Variants in DENND1A observed in about 807,000 individuals in gnomAD.
The protein encoded by DENND1A is DENN domain containing 1A.
DENND1A carries 51 observed loss-of-function variants against 113.7 expected under a neutral mutation model. The ratio of observed to expected loss-of-function variants is 0.45; its 90% CI spans 0.36 to 0.57. DENND1A has a LOEUF of 0.57. Ranked by LOEUF, DENND1A falls within the 20% of genes least tolerant of loss-of-function variation. The probability of loss-of-function intolerance (pLI) is 0.00; values close to 1 mark genes in which losing one functional copy is unlikely to be tolerated. For synonymous variants in DENND1A, 565 were observed against 570.8 expected, an observed-to-expected ratio of 0.99 and a Z score of 0.14; for missense variants, 1,258 against 1,395.9, an observed-to-expected ratio of 0.90 and a Z score of 1.57.
chr9:123,421,344 G>T (rs1409481983), intron 19 of DENND1A, among the ~76,000 whole-genome samples: 1 of 151,914 alleles, frequency 6.6e-6, no homozygotes, highest in Non-Finnish European at 1.5e-5. Context: ...GCTAACGGGT[G>T]GCAGAGCCAG....
chr9:123,557,829 G>T, intron 12 of DENND1A, 134 bp from the exon 13 acceptor site: 1 of 1,062,218 alleles, frequency 9.4e-7, no homozygotes, highest in Non-Finnish European at 1.3e-6. Flanking sequence ...TTACTGGGAG[G>T]ACAAAAACGT....
chr9:123,402,302 T>C, intron 21 of DENND1A, among the ~76,000 whole-genome samples: 1 of 152,108 alleles, frequency 6.6e-6, no homozygotes, highest in East Asian at 1.9e-4. Context: ...CTGGGCAAAG[T>C]CTGAGGGCTG....
At chr9:123,803,652 ATCC>A (rs1370154005) in intron 2 of DENND1A, among the ~76,000 whole-genome samples, 1 of 151,966 alleles carries the variant, frequency 6.6e-6, no homozygotes, top group African/African-American at 2.4e-5. Context: ...AGCTCCACCA[ATCC>A]TCCTGTTTTA....
chr9:123,544,221 C>T (rs1039638748), intron 13 of DENND1A, among the ~76,000 whole-genome samples: 2 of 152,276 alleles, frequency 1.3e-5, no homozygotes, highest in Non-Finnish European at 2.9e-5. Context: ...GGAGGAAGGG[C>T]TACACTTCCC....
intron 11 of DENND1A, among the ~76,000 whole-genome samples, chr9:123,601,656 T>C (rs1448601369): frequency 6.6e-6 from 1 of 152,270 alleles, no homozygotes; most frequent in Non-Finnish European, 1.5e-5. Flanking sequence ...TTGCCTCTTA[T>C]TTTTATACTA....
At chr9:123,840,623 C>G (rs1413531911) in intron 2 of DENND1A, among the ~76,000 whole-genome samples, 1 of 152,158 alleles carries the variant, frequency 6.6e-6, no homozygotes, top group African/African-American at 2.4e-5. Flanking sequence ...ACTCTGTCCC[C>G]AAGGGCCTAG....
intron 13 of DENND1A, among the ~76,000 whole-genome samples, chr9:123,537,878 A>T (rs1288018603): frequency 6.6e-6 from 1 of 152,200 alleles, no homozygotes; most frequent in Non-Finnish European, 1.5e-5. Flanking sequence ...CGGACAGAAT[A>T]TTGTTCCCAG....
At chr9:123,401,152 A>C (rs7025196) in intron 21 of DENND1A, 3,962 of 153,278 alleles carry the variant, frequency 0.026, 183 homozygotes, top group African/African-American at 0.091. Context: ...ATGCCGACAG[A>C]TTGGTGGAGC....
At chr9:123,715,922 C>A (rs1488416145) in intron 5 of DENND1A, among the ~76,000 whole-genome samples, 1 of 152,082 alleles carries the variant, frequency 6.6e-6, no homozygotes, top group South Asian at 2.1e-4. Flanking sequence ...GCGATCCCCC[C>A]ACCTCAGCCT....
intron 4 of DENND1A, among the ~76,000 whole-genome samples, chr9:123,758,726 A>T (rs1225002019): frequency 1.3e-5 from 2 of 152,254 alleles, no homozygotes; most frequent in Non-Finnish European, 2.9e-5. Context: ...TTTAAAAACC[A>T]CACATAAACG....
intron 12 of DENND1A, among the ~76,000 whole-genome samples, chr9:123,572,346 C>T (rs2136374399): frequency 6.6e-6 from 1 of 152,178 alleles, no homozygotes; most frequent in Middle Eastern, 3.4e-3. Flanking sequence ...TTATATTAAC[C>T]AGTTGGGGGA....
chr9:123,882,066 T>C (rs987048118), intron 1 of DENND1A, among the ~76,000 whole-genome samples: 3 of 152,114 alleles, frequency 2.0e-5, no homozygotes, highest in Admixed American at 2.0e-4. Context: ...TCTCCTACTG[T>C]CCCTGTCTCC....
intron 9 of DENND1A, among the ~76,000 whole-genome samples, chr9:123,638,389 A>C (rs2061831741): frequency 6.6e-6 from 1 of 151,882 alleles, no homozygotes; most frequent in Non-Finnish European, 1.5e-5. Flanking sequence ...ATGTGCCACC[A>C]CTCCTCCAAG....
chr9:123,466,812 ATC>A (rs577300346), intron 13 of DENND1A, among the ~76,000 whole-genome samples: 198 of 152,018 alleles, frequency 1.3e-3, no homozygotes, highest in African/African-American at 4.6e-3. Flanking sequence ...AGTGGGGAGG[ATC>A]TCTTGAGCCC....
At chr9:123,641,425 TAATGA>T (rs1234538977) in intron 9 of DENND1A, among the ~76,000 whole-genome samples, 1 of 136,184 alleles carries the variant, frequency 7.3e-6, no homozygotes, top group Non-Finnish European at 1.6e-5. Flanking sequence ...CGGATGAATT[TAATGA>T]AATGGCAAAA....
chr9:123,910,329 G>C (rs1478156837), intron 1 of DENND1A, among the ~76,000 whole-genome samples: 1 of 152,178 alleles, frequency 6.6e-6, no homozygotes, highest in African/African-American at 2.4e-5. Flanking sequence ...ACGTATACCT[G>C]ATTTACAAGA....
Position 123,711,521 on chromosome 9 carries a change from A to ATG in DENND1A, c.303-34733_303-34732insCA, listed in dbSNP as rs1564998401. Among the ~76,000 whole-genome samples, 58 of 140,474 alleles carry ATG rather than the reference A, an allele frequency of 4.1e-4. No homozygotes were observed. The East Asian group carries it at 7.5e-3, about 18-fold the overall frequency. 92.2% of individuals were successfully genotyped at this position (140,474 alleles called of 152,430 possible). On this transcript the variant is annotated intron_variant, in intron 5 of 23. Coordinates refer to ENST00000394215, the MANE Select transcript of DENND1A (RefSeq NM_001352964.2). Reference sequence around the variant, plus strand: ...TATATATATGTATATATGTATATATATATATATATATATATATAAATTCAA... The same window carrying ATG: ...TATATATATGTATATATGTATATATATGTATATATATATATATATAAATTCAA...
chr9:123,630,204 C>CTTTT (rs11324537), intron 10 of DENND1A, among the ~76,000 whole-genome samples, 172 bp downstream of exon 10: 85 of 94,106 alleles, frequency 9.0e-4, no homozygotes, highest in South Asian at 1.5e-3. Flanking sequence ...CCATGACTGG[C>CTTTT]TTTTTTTTTT....
intron 3 of DENND1A, among the ~76,000 whole-genome samples, chr9:123,781,832 G>A (rs1831365978): frequency 6.6e-6 from 1 of 152,142 alleles, no homozygotes; most frequent in South Asian, 2.1e-4. Flanking sequence ...CACTTTGGGA[G>A]GCCAAGGTGG....
Sources: allele counts gnomAD v4.1 joint callset (sites outside exome capture counted in the v4.1 genomes callset), GRCh38; gene constraint gnomAD v4.1.1; transcripts MANE v1.5; gene names NCBI Gene and HGNC (gene_info 2026-07-23, HGNC 2026-07-21).